Variants in EML5 observed in about 807,000 individuals in gnomAD.
The protein encoded by EML5 is echinoderm microtubule-associated protein-like 5.
A neutral mutation model predicts 250.0 loss-of-function variants in EML5; 120 were observed. The observed-to-expected ratio is 0.48, with a 90% confidence interval of 0.41 to 0.56. EML5 has a LOEUF of 0.56. Ranked by LOEUF, EML5 falls within the 20% of genes least tolerant of loss-of-function variation. EML5 has a pLI of 0.00. For missense variants in EML5, 2,006 were observed against 2,437.6 expected (o/e 0.82, Z 3.73); for synonymous variants, 771 against 806.5 (o/e 0.96, Z 0.75).
chr14:88,728,763 C>A (rs892618020), intron 7 of EML5, among the ~76,000 whole-genome samples: 3 of 151,980 alleles, frequency 2.0e-5, no homozygotes, highest in Non-Finnish European at 2.9e-5. Context: ...AATTATATAT[C>A]ATTTTATATA....
Position 88,621,250 on chromosome 14 carries a change from T to G in EML5, c.5065A>C (p.Lys1689Gln). The change falls in exon 38 of 44, where the codon AAA becomes CAA. Residue 1689 changes from lysine to glutamine, a missense_variant. Lys to Gln is a moderately conservative substitution (Grantham distance 53). This residue lies in a region of EML5 where 405 missense variants were observed against 523.3 expected (regional missense o/e 0.77). Transcript: ENST00000554922. The stretch of plus-strand genomic sequence containing the variant: ...ACTAAAATATTACAAGCTGCATTTT[T>G]CTCTCCAACTTCGATTATTTCAGCA... ...RNAEIIEVGE[K>Q]NAACNILVNG... is the part of the protein sequence containing the mutation. The G allele has an allele frequency of 6.2e-7, 1 of 1,613,940 alleles. No individual in the cohort carries two copies. The highest frequency in any genetic ancestry group is 8.5e-7 in the Non-Finnish European group (1 of 1,179,872).
chr14:88,763,418 A>C (rs536093935), intron 1 of EML5, among the ~76,000 whole-genome samples: 1 of 152,322 alleles, frequency 6.6e-6, no homozygotes, highest in Non-Finnish European at 1.5e-5. Flanking sequence ...AACTGGATAA[A>C]TTTCTAGACA....
intron 6 of EML5, among the ~76,000 whole-genome samples, chr14:88,738,321 G>A (rs2093875564): frequency 6.6e-6 from 1 of 151,576 alleles, no homozygotes; most frequent in Admixed American, 6.6e-5. Flanking sequence ...CACACAACTT[G>A]TAGGTGACTG....
At chr14:88,746,135 T>C (rs1344815131) in intron 3 of EML5, 50 bp downstream of exon 3, 1 of 1,426,740 alleles carries the variant, frequency 7.0e-7, no homozygotes, top group Non-Finnish European at 9.8e-7. Context: ...AACTCTCTTC[T>C]GGTCTTTCCC....
intron 35 of EML5, chr14:88,626,633 C>A: frequency 1.7e-6 from 1 of 582,014 alleles, no homozygotes; most frequent in Non-Finnish European, 3.0e-6. Context: ...AAAAAAAAAT[C>A]CTTTTCCCCC....
In EML5 at chr14:88,746,173, G is replaced by A; in HGVS notation, c.456+12C>T. On this transcript the variant is annotated intron_variant, in intron 3 of 43. Transcript: ENST00000554922. ...CCAGTACTCATTAGAAATCTCAAAAGAGAATACTTACTCTATCTGTATGAC... is the reference window on the plus strand; with the variant it reads ...CCAGTACTCATTAGAAATCTCAAAAAAGAATACTTACTCTATCTGTATGAC... The A allele has an allele frequency of 1.2e-6, 2 of 1,601,726 alleles. No homozygotes were observed. Among genetic ancestry groups the A allele is most frequent in the Non-Finnish European group, 1.7e-6 (2 of 1,171,024 alleles).
intron 10 of EML5, among the ~76,000 whole-genome samples, chr14:88,707,061 TGATTA>T (rs1320618945): frequency 1.3e-5 from 2 of 152,122 alleles, no homozygotes; most frequent in African/African-American, 2.4e-5. Flanking sequence ...TGCCTCCTCA[TGATTA>T]GATTCAGGTG....
At chr14:88,668,053 C>T (rs2141013088) in intron 21 of EML5, among the ~76,000 whole-genome samples, 1 of 152,336 alleles carries the variant, frequency 6.6e-6, no homozygotes, top group East Asian at 1.9e-4. Context: ...GGCAGCCACA[C>T]CATTTCCAAA....
chr14:88,711,246 G>A (rs907639623), intron 10 of EML5, among the ~76,000 whole-genome samples: 3 of 150,996 alleles, frequency 2.0e-5, no homozygotes, highest in Non-Finnish European at 2.9e-5. Context: ...ATCTCATCTC[G>A]AATTGTAATC....
chr14:88,733,414 T>C (rs1482961675), intron 7 of EML5, among the ~76,000 whole-genome samples: 66 of 152,262 alleles, frequency 4.3e-4, no homozygotes, highest in African/African-American at 2.4e-5. Context: ...TTTAAGGTGA[T>C]TGACATTTTA....
At chr14:88,629,447 T>G (rs2090296793) in intron 33 of EML5, among the ~76,000 whole-genome samples, 1 of 152,228 alleles carries the variant, frequency 6.6e-6, no homozygotes, top group African/African-American at 2.4e-5. Flanking sequence ...CTTAGACTGT[T>G]CTAAACTTAC....
chr14:88,721,311 C>T (rs2140012394), intron 8 of EML5, among the ~76,000 whole-genome samples: 1 of 152,246 alleles, frequency 6.6e-6, no homozygotes, highest in South Asian at 2.1e-4. Flanking sequence ...ACAGCCAAGT[C>T]AATCCTAAGC....
At chr14:88,664,347 AAAT>A in intron 23 of EML5, 143 bp downstream of exon 23, 1 of 642,366 alleles carries the variant, frequency 1.6e-6, no homozygotes, top group Non-Finnish European at 2.4e-6. Context: ...TTCAGATGTA[AAAT>A]AGTAAAAAAT....
intron 1 of EML5, among the ~76,000 whole-genome samples, chr14:88,783,219 C>A (rs1275130073): frequency 6.6e-6 from 1 of 152,158 alleles, no homozygotes; most frequent in Non-Finnish European, 1.5e-5. Context: ...TTGGAGCCCC[C>A]ACACACAAAT....
At chr14:88,712,172 A>T (rs1254445724) in intron 10 of EML5, 99 bp downstream of exon 10, 5 of 816,124 alleles carry the variant, frequency 6.1e-6, no homozygotes, top group Non-Finnish European at 9.6e-6. Context: ...GTGTAATTTT[A>T]AAAAATATGA....
At chr14:88,732,240 G>A (rs1291696026) in intron 7 of EML5, among the ~76,000 whole-genome samples, 4 of 152,122 alleles carry the variant, frequency 2.6e-5, no homozygotes, top group Non-Finnish European at 5.9e-5. Context: ...ATTAATTTTT[G>A]TATAAGGTGT....
intron 27 of EML5, among the ~76,000 whole-genome samples, chr14:88,654,475 T>A (rs2091782949): frequency 6.6e-6 from 1 of 152,240 alleles, no homozygotes; most frequent in African/African-American, 2.4e-5. Flanking sequence ...TCTGGTATGC[T>A]GTATTCTTTG....
intron 27 of EML5, among the ~76,000 whole-genome samples, chr14:88,650,732 G>A (rs2091580082): frequency 6.6e-6 from 1 of 152,090 alleles, no homozygotes; most frequent in Non-Finnish European, 1.5e-5. Flanking sequence ...TCCAACTCCT[G>A]GGCTGAAGCA....
At chr14:88,656,135 ATAAATCATTCTACT>A (rs1319560622) in intron 27 of EML5, among the ~76,000 whole-genome samples, 7 of 152,258 alleles carry the variant, frequency 4.6e-5, no homozygotes, top group African/African-American at 1.7e-4. Flanking sequence ...CCAAAGGATT[ATAAATCATTCTACT>A]ATAAAGACAC....
Sources: allele counts gnomAD v4.1 joint callset (sites outside exome capture counted in the v4.1 genomes callset), GRCh38; gene constraint gnomAD v4.1.1; regional missense constraint gnomAD v4.1.1; transcripts MANE v1.5; gene names NCBI Gene and HGNC (gene_info 2026-07-23, HGNC 2026-07-21).